Variants in CDC73 observed in about 807,000 individuals in gnomAD.
CDC73 encodes cell division cycle 73.
CDC73 carries 21 observed loss-of-function variants against 83.7 expected under a neutral mutation model. The observed-to-expected ratio is 0.25, with a 90% CI of 0.18 to 0.36. The LOEUF is 0.36. Ranked by LOEUF, CDC73 falls within the 10% of genes least tolerant of loss-of-function variation. CDC73 has a pLI of 1.00. For synonymous variants in CDC73, 224 were observed against 212.9 expected (o/e 1.05, Z -0.45); for missense variants, 342 against 653.3 (o/e 0.52, Z 5.19).
In CDC73 at chr1:193,122,193, G is replaced by T; in HGVS notation, c.-8G>T. On this transcript the variant is annotated 5_prime_UTR_variant, in exon 1 of 17. Coordinates refer to ENST00000367435, the MANE Select transcript of CDC73 (RefSeq NM_024529.5). ...CGCCCCGAGCCGGCGGAGGCGAGGG[G>T]GGGGAAGATGGCGGACGTGCTTAGC... is the stretch of plus-strand genomic sequence containing the variant. The T allele has an allele frequency of 6.2e-7, 1 of 1,613,252 alleles. No homozygotes were observed. The highest frequency in any genetic ancestry group is 1.7e-5 in the Admixed American group (1 of 59,990).
At chr1:193,232,929 G>A (rs1388465995) in intron 13 of CDC73, 64 bp from the exon 14 acceptor site, 4 of 1,380,510 alleles carry the variant, frequency 2.9e-6, no homozygotes, top group Non-Finnish European at 4.1e-6. Context: ...TCAAATTATA[G>A]TTTATCTTCC....
chr1:193,157,929 ATTG>A (rs1676236047), intron 10 of CDC73, among the ~76,000 whole-genome samples: 1 of 151,738 alleles, frequency 6.6e-6, no homozygotes, highest in Non-Finnish European at 1.5e-5. Flanking sequence ...ACATCATAGT[ATTG>A]TTGAAGATTA....
At chr1:193,132,170 G>C (rs1407397989) in intron 3 of CDC73, among the ~76,000 whole-genome samples, 1 of 152,216 alleles carries the variant, frequency 6.6e-6, no homozygotes, top group Non-Finnish European at 1.5e-5. Context: ...GTCATTAACA[G>C]CTGTCTTGTC....
At chr1:193,149,838 A>G (rs1676074415) in intron 8 of CDC73, among the ~76,000 whole-genome samples, 1 of 152,182 alleles carries the variant, frequency 6.6e-6, no homozygotes, top group Non-Finnish European at 1.5e-5. Flanking sequence ...AGCCTTTTCT[A>G]ATTATTTAAA....
At chr1:193,129,262 C>T (rs1675646824) in intron 2 of CDC73, among the ~76,000 whole-genome samples, 1 of 151,874 alleles carries the variant, frequency 6.6e-6, no homozygotes, top group Admixed American at 6.6e-5. Context: ...TCCCAAAGTG[C>T]TGGGATTACA....
At chr1:193,221,587 C>CAAAA (rs1677470990) in intron 13 of CDC73, among the ~76,000 whole-genome samples, 1 of 152,180 alleles carries the variant, frequency 6.6e-6, no homozygotes, top group South Asian at 2.1e-4. Flanking sequence ...TCTCCACTCT[C>CAAAA]AAGAACCTTT....
At chr1:193,202,439 A>G (rs189105581) in intron 10 of CDC73, among the ~76,000 whole-genome samples, 2 of 152,176 alleles carry the variant, frequency 1.3e-5, no homozygotes, top group Non-Finnish European at 2.9e-5. Context: ...ACCTGAATGT[A>G]ATATAACTGG....
At chr1:193,133,497 A>G (rs990860982) in intron 3 of CDC73, among the ~76,000 whole-genome samples, 3 of 152,222 alleles carry the variant, frequency 2.0e-5, no homozygotes, top group African/African-American at 7.2e-5. Context: ...ATTCTGGAGA[A>G]CTTAAAACCC....
chr1:193,222,931 C>T (rs1196168439), intron 13 of CDC73, among the ~76,000 whole-genome samples: 1 of 151,930 alleles, frequency 6.6e-6, no homozygotes, highest in African/African-American at 2.4e-5. Context: ...TATTTCGTTA[C>T]TTTTAATTTA....
intron 10 of CDC73, chr1:193,180,297 A>G (rs1341922373): frequency 6.4e-7 from 1 of 1,555,196 alleles, no homozygotes; most frequent in East Asian, 2.3e-5. Context: ...GTCTTTTCTA[A>G]TGTAGTTTAC....
intron 8 of CDC73, among the ~76,000 whole-genome samples, chr1:193,148,639 ATTTTTTTTTTTT>A (rs894987430): frequency 1.8e-5 from 2 of 113,662 alleles, no homozygotes; most frequent in African/African-American, 6.9e-5. Context: ...AAAATTTATA[ATTTTTTTTTTTT>A]TTTTTTTTTT....
At chr1:193,246,285 A>G (rs557594772) in intron 15 of CDC73, among the ~76,000 whole-genome samples, 20 of 152,096 alleles carry the variant, frequency 1.3e-4, no homozygotes, top group African/African-American at 4.3e-4. Flanking sequence ...TTGATTTTGT[A>G]TGGGGTGAGA....
intron 14 of CDC73, among the ~76,000 whole-genome samples, chr1:193,235,685 T>A (rs1400011996): frequency 6.6e-6 from 1 of 152,168 alleles, no homozygotes; most frequent in Non-Finnish European, 1.5e-5. Context: ...TTAGGGTGAA[T>A]GAAACAGTTG....
intron 2 of CDC73, among the ~76,000 whole-genome samples, chr1:193,127,443 A>G (rs1675599215): frequency 6.6e-6 from 1 of 152,062 alleles, no homozygotes; most frequent in Non-Finnish European, 1.5e-5. Flanking sequence ...TTAGAGTGGG[A>G]CTACTTGGGA....
chr1:193,180,933 T>C (rs777344801), intron 10 of CDC73: 5 of 1,613,696 alleles, frequency 3.1e-6, no homozygotes, highest in East Asian at 4.5e-5. Context: ...CATGATATTG[T>C]CTGCTTTCTT....
At chr1:193,217,316 C>T (rs770009909) in intron 13 of CDC73, among the ~76,000 whole-genome samples, 4 of 152,134 alleles carry the variant, frequency 2.6e-5, no homozygotes, top group Non-Finnish European at 4.4e-5. Context: ...CTCAGACCCT[C>T]TACCTTATCA....
At position 193,249,556 on chromosome 1, in the gene CDC73, A is replaced by G. The variant is rs555762299; in HGVS notation, c.1418-174A>G. Among the ~76,000 whole-genome samples the G allele has an allele frequency of 2.0e-5, 3 of 152,090 alleles. No individual in the cohort carries two copies. In the East Asian group the frequency reaches 5.8e-4, roughly 29 times the overall value. Reference sequence around the variant, plus strand: ...GACTATATGCATTTTATCTTACCTTATTCCTCATTTTAGTGTCCAGTGGCT... The same window carrying G: ...GACTATATGCATTTTATCTTACCTTGTTCCTCATTTTAGTGTCCAGTGGCT... On this transcript the variant is annotated intron_variant, in intron 15 of 16. Transcript: ENST00000367435.
intron 2 of CDC73, among the ~76,000 whole-genome samples, chr1:193,127,172 G>T (rs1233600357): frequency 6.6e-6 from 1 of 152,048 alleles, no homozygotes; most frequent in Non-Finnish European, 1.5e-5. Context: ...TACTCAAGGG[G>T]CTGAGGTGGG....
At chr1:193,153,910 G>A (rs1235502273) in intron 10 of CDC73, among the ~76,000 whole-genome samples, 1 of 152,136 alleles carries the variant, frequency 6.6e-6, no homozygotes, top group Non-Finnish European at 1.5e-5. Flanking sequence ...ATTCCTCTAC[G>A]TCAAGGCAGG....
Sources: allele counts gnomAD v4.1 joint callset (sites outside exome capture counted in the v4.1 genomes callset), GRCh38; gene constraint gnomAD v4.1.1; transcripts MANE v1.5; gene names NCBI Gene and HGNC (gene_info 2026-07-23, HGNC 2026-07-21).